The following CYSLTR2 variants were observed in gnomAD, a reference collection of about 807,000 sequenced individuals.
CYSLTR2 encodes the protein G-protein coupled receptor GPCR21.
For synonymous variants in CYSLTR2, 179 were observed against 160.8 expected (o/e 1.11, Z -0.86); for missense variants, 398 against 411.9 (o/e 0.97, Z 0.29).
rs1280410035 is a variant in CYSLTR2 at position 48,690,213 on chromosome 13, C to T, written c.-265-999C>T. On this transcript the variant is annotated intron_variant, in intron 1 of 4. Transcript: ENST00000682523. ...TCATCTGCAAACACAGACAATTTGA[C>T]TTCCTCTCTTCCTATTTGGATACCC... Among the ~76,000 whole-genome samples, 3 of 152,150 alleles carry T rather than the reference C, an allele frequency of 2.0e-5. No individual in the cohort carries two copies. In the East Asian group the frequency reaches 5.8e-4, roughly 29 times the overall value.
intron 3 of CYSLTR2, among the ~76,000 whole-genome samples, chr13:48,695,271 CT>C (rs879565086): frequency 1.3e-5 from 2 of 149,552 alleles, no homozygotes; most frequent in Admixed American, 7.1e-5. Context: ...TTTTCCTTTT[CT>C]TTTTTTCCTT....
intron 4 of CYSLTR2, among the ~76,000 whole-genome samples, chr13:48,698,954 C>T (rs1055324018): frequency 2.9e-4 from 44 of 152,212 alleles, no homozygotes; most frequent in Non-Finnish European, 5.9e-4. Flanking sequence ...AAGGGATCGA[C>T]TCAACAAGAA....
rs1954510536 is a variant in CYSLTR2 at position 48,707,042 on chromosome 13, T to C, written c.225T>C (p.Val75=). 6.2e-7 allele frequency: 1 copy of C among 1,614,196 alleles called. No individual in the cohort carries two copies. The highest frequency in any genetic ancestry group is 8.5e-7 in the Non-Finnish European group (1 of 1,180,038). ...ATAAGAAGTCCACATCTGTGAACGT[T>C]TTCATGCTAAATCTGGCCATTTCAG... ...QPYKKSTSVN[V]FMLNLAISDL... The change falls in exon 5 of 5, where the codon GTT becomes GTC. Residue 75 remains valine (V), a synonymous_variant. Coordinates refer to ENST00000682523, the MANE Select transcript of CYSLTR2 (RefSeq NM_001308476.3).
chr13:48,664,752 T>C (rs1953217858), intron 1 of CYSLTR2, among the ~76,000 whole-genome samples: 1 of 152,040 alleles, frequency 6.6e-6, no homozygotes, highest in Non-Finnish European at 1.5e-5. Context: ...GGTTTGTCCA[T>C]TTTGTTTACC....
intron 1 of CYSLTR2, among the ~76,000 whole-genome samples, chr13:48,671,833 A>G (rs1168246105): frequency 6.6e-6 from 1 of 151,988 alleles, no homozygotes; most frequent in African/African-American, 2.4e-5. Context: ...TATTTTTTGG[A>G]ACAGTTTCAG....
At chr13:48,681,095 A>T (rs1430376369) in intron 1 of CYSLTR2, among the ~76,000 whole-genome samples, 4 of 151,740 alleles carry the variant, frequency 2.6e-5, no homozygotes, top group African/African-American at 9.7e-5. Flanking sequence ...TCTCCCTACA[A>T]CTGTGGCTGC....
chr13:48,685,693 C>G (rs1260513832), intron 1 of CYSLTR2, among the ~76,000 whole-genome samples: 2 of 152,064 alleles, frequency 1.3e-5, no homozygotes, highest in Non-Finnish European at 2.9e-5. Context: ...TTGATCTAGC[C>G]TATTAGGTGA....
chr13:48,685,444 C>T (rs1953872429), intron 1 of CYSLTR2, among the ~76,000 whole-genome samples: 1 of 152,122 alleles, frequency 6.6e-6, no homozygotes, highest in East Asian at 1.9e-4. Flanking sequence ...CAAACCATAT[C>T]CCCTGCTGAC....
rs869282546 is a variant in CYSLTR2 at position 48,695,068 on chromosome 13, A to ATTTTTTTTTTTTTTTTTTTTTTTT, written c.-102-1455_-102-1432dup. Among the ~76,000 whole-genome samples, 9 of 71,618 alleles carry ATTTTTTTTTTTTTTTTTTTTTTTT rather than the reference A, an allele frequency of 1.3e-4. 2 individuals carry two copies. Among genetic ancestry groups the ATTTTTTTTTTTTTTTTTTTTTTTT allele is most frequent in the African/African-American group, 4.9e-4 (8 of 16,280 alleles). 47.0% of individuals were successfully genotyped at this position (71,618 alleles called of 152,430 possible). On this transcript the variant is annotated intron_variant, in intron 3 of 4. Transcript: ENST00000682523. ...AGACCATGGTATATCAGAACCTGGC[A>ATTTTTTTTTTTTTTTTTTTTTTTT]TTTTTTTTTTTTTTTTTTTTTTTTT...
rs1954549507 is a variant in CYSLTR2 at position 48,707,920 on chromosome 13, C to T, written c.*62C>T. 1.5e-6 allele frequency: 2 copies of T among 1,319,280 alleles called. No homozygotes were observed. The highest frequency in any genetic ancestry group is 2.0e-6 in the Non-Finnish European group (2 of 982,228). 81.7% of individuals were successfully genotyped at this position (1,319,280 alleles called of 1,614,324 possible). A position where few individuals can be genotyped will look rare whatever the true frequency, so the allele number is the denominator to read the frequency against. ...GTCCATCTTCATTCACTCATAGTCTCCAAATGACTTTGTATTTACATCACT... is the reference window on the plus strand; with the variant it reads ...GTCCATCTTCATTCACTCATAGTCTTCAAATGACTTTGTATTTACATCACT... On this transcript the variant is annotated 3_prime_UTR_variant, in exon 5 of 5. Transcript: ENST00000682523.
chr13:48,682,347 G>A (rs1953778846), intron 1 of CYSLTR2, among the ~76,000 whole-genome samples: 1 of 152,110 alleles, frequency 6.6e-6, no homozygotes, highest in Non-Finnish European at 1.5e-5. Context: ...CTCTCTCCAA[G>A]CTTCTAATTT....
intron 1 of CYSLTR2, among the ~76,000 whole-genome samples, chr13:48,655,820 G>A (rs140384434): frequency 4.6e-5 from 7 of 152,164 alleles, no homozygotes; most frequent in African/African-American, 1.7e-4. Context: ...AACCAGAACT[G>A]GTCCAATCTG....
chr13:48,700,471 C>T (rs188537145), intron 4 of CYSLTR2, among the ~76,000 whole-genome samples: 1 of 151,970 alleles, frequency 6.6e-6, no homozygotes, highest in Non-Finnish European at 1.5e-5. Flanking sequence ...ATTCAACAAC[C>T]CTTCATGCTA....
intron 4 of CYSLTR2, among the ~76,000 whole-genome samples, chr13:48,697,258 C>T (rs1258937907): frequency 1.3e-5 from 2 of 152,168 alleles, no homozygotes; most frequent in Admixed American, 6.5e-5. Flanking sequence ...GAAAAACCTC[C>T]CAGTAGGGGC....
At chr13:48,692,414 C>T (rs1160804673) in intron 2 of CYSLTR2, among the ~76,000 whole-genome samples, 4 of 151,776 alleles carry the variant, frequency 2.6e-5, no homozygotes, top group African/African-American at 4.8e-5. Flanking sequence ...ATTCATGTAA[C>T]ATTCTACAGT....
rs1008599733 is a variant in CYSLTR2, at chr13:48,708,526, G to A, written c.*668G>A. 1 of 167,154 alleles carries A rather than the reference G, an allele frequency of 6.0e-6. No homozygotes were observed. Among genetic ancestry groups the A allele is most frequent in the Admixed American group, 6.5e-5 (1 of 15,288 alleles). 10.4% of individuals were successfully genotyped at this position (167,154 alleles called of 1,614,324 possible). ...TGTTTCTCTCTTGCCAGGGTATTAG[G>A]AAGGACAGGAAAAGTAGGAGGAGGA... On this transcript the variant is annotated 3_prime_UTR_variant, in exon 5 of 5. Coordinates refer to ENST00000682523, the MANE Select transcript of CYSLTR2 (RefSeq NM_001308476.3).
intron 4 of CYSLTR2, among the ~76,000 whole-genome samples, chr13:48,699,745 A>C (rs879455217): frequency 9.2e-5 from 14 of 152,186 alleles, no homozygotes; most frequent in Non-Finnish European, 1.2e-4. Flanking sequence ...CTTTTTGAAA[A>C]GATCAACAAA....
intron 4 of CYSLTR2, among the ~76,000 whole-genome samples, chr13:48,699,361 A>T (rs892991202): frequency 6.6e-6 from 1 of 152,216 alleles, no homozygotes; most frequent in African/African-American, 2.4e-5. Context: ...ATTCAGGGTT[A>T]AACTTACTCA....
chr13:48,685,269 AGAACTCACTCAC>A (rs1953867753), intron 1 of CYSLTR2, among the ~76,000 whole-genome samples: 1 of 62,706 alleles, frequency 1.6e-5, no homozygotes, highest in Non-Finnish European at 4.9e-5. Flanking sequence ...AACACTCACG[AGAACTCACTCAC>A]GAGAACTCAC....
Sources: allele counts gnomAD v4.1 joint callset (sites outside exome capture counted in the v4.1 genomes callset), GRCh38; gene constraint gnomAD v4.1.1; transcripts MANE v1.5; gene names NCBI Gene and HGNC (gene_info 2026-07-23, HGNC 2026-07-21).